The following SSH1 variants were observed in gnomAD, a reference collection of about 807,000 sequenced individuals.
SSH1 encodes protein phosphatase Slingshot homolog 1.
SSH1 carries 43 observed loss-of-function variants against 79.7 expected under a neutral mutation model. The ratio of observed to expected loss-of-function variants is 0.54; its 90% confidence interval spans 0.42 to 0.70. The LOEUF (loss-of-function observed/expected upper bound fraction) is 0.70. SSH1 is among the 30% of genes least tolerant of loss of function. SSH1 has a pLI of 0.00. For synonymous variants in SSH1, 599 were observed against 538.3 expected (o/e 1.11, Z -1.56); for missense variants, 1,206 against 1,358.8 (o/e 0.89, Z 1.77).
intron 6 of SSH1, among the ~76,000 whole-genome samples, 190 bp from the exon 7 acceptor site, chr12:108,809,948 C>T (rs1385615703): frequency 6.6e-6 from 1 of 152,110 alleles, no homozygotes; most frequent in African/African-American, 2.4e-5. Flanking sequence ...GACACATTCC[C>T]AGATGAGGAG....
At chr12:108,845,009 C>T (rs530589104) in intron 2 of SSH1, among the ~76,000 whole-genome samples, 85 of 149,358 alleles carry the variant, frequency 5.7e-4, no homozygotes, top group African/African-American at 1.9e-3. Context: ...TGAGACAGGA[C>T]AAAAATTTGC....
At chr12:108,827,295 G>GCAGT (rs1415975325) in intron 2 of SSH1, 11 of 1,551,372 alleles carry the variant, frequency 7.1e-6, no homozygotes, top group Non-Finnish European at 2.6e-6. Context: ...GACAGCAGAA[G>GCAGT]CAGTGGGTTG....
At chr12:108,811,139 T>C in intron 6 of SSH1, 121 bp downstream of exon 6, 2 of 928,880 alleles carry the variant, frequency 2.2e-6, no homozygotes, top group South Asian at 1.3e-5. Context: ...TTTCTCCCGC[T>C]GTGACACTCC....
At chr12:108,835,928 TAATC>T (rs2038601256) in intron 2 of SSH1, among the ~76,000 whole-genome samples, 1 of 146,294 alleles carries the variant, frequency 6.8e-6, no homozygotes, top group Non-Finnish European at 1.5e-5. Context: ...TATATTAATA[TAATC>T]AATTATAACT....
At chr12:108,841,763 C>T (rs536755597) in intron 2 of SSH1, among the ~76,000 whole-genome samples, 2 of 151,802 alleles carry the variant, frequency 1.3e-5, no homozygotes, top group Non-Finnish European at 2.9e-5. Context: ...GAGCCAAGAT[C>T]GTGCCACTGC....
At chr12:108,827,667 G>T (rs2038359963) in intron 2 of SSH1, 1 of 785,958 alleles carries the variant, frequency 1.3e-6, no homozygotes, top group Non-Finnish European at 1.7e-6. Flanking sequence ...AAGCACCGGG[G>T]TGTGCATTCG....
rs779518868 is a variant in SSH1 at position 108,818,245 on chromosome 12, T to G, written c.279+4A>C. On this transcript the variant is annotated splice_donor_region_variant and intron_variant, in intron 4 of 14. Coordinates refer to ENST00000326495, the MANE Select transcript of SSH1 (RefSeq NM_018984.4). ...TTTAACTTGACATTCTCACTGCTTC[T>G]TACCAGCTTGATTCTGTCTTCGCAA... The G allele has an allele frequency of 3.7e-6, 6 of 1,613,596 alleles. No homozygotes were observed. The East Asian group carries it at 1.3e-4, about 36-fold the overall frequency.
chr12:108,822,275 A>G (rs1168772005), intron 3 of SSH1, among the ~76,000 whole-genome samples: 1 of 152,094 alleles, frequency 6.6e-6, no homozygotes, highest in Non-Finnish European at 1.5e-5. Flanking sequence ...CTGGGATTAC[A>G]GGCATGCGCC....
intron 5 of SSH1, chr12:108,811,692 A>G (rs7314329): frequency 0.63 from 227,572 of 363,872 alleles, 75,628 homozygotes; most frequent in East Asian, 0.99. Flanking sequence ...GGGTGGCGGC[A>G]GGGGGAGCGT....
intron 11 of SSH1, 60 bp downstream of exon 11, chr12:108,802,262 A>G: frequency 1.3e-6 from 2 of 1,481,834 alleles, no homozygotes; most frequent in Non-Finnish European, 9.4e-7. Context: ...CCTCCATGGC[A>G]GAGTGGAGGG....
At chr12:108,803,068 G>C (rs2037093354) in intron 10 of SSH1, among the ~76,000 whole-genome samples, 5 of 152,102 alleles carry the variant, frequency 3.3e-5, no homozygotes, top group Admixed American at 2.0e-4. Context: ...AATTTTAAGA[G>C]AGGAGGATAC....
chr12:108,847,918 AAG>A (rs2038934847), intron 2 of SSH1, among the ~76,000 whole-genome samples: 1 of 152,172 alleles, frequency 6.6e-6, no homozygotes. Flanking sequence ...GCTTTCTCTG[AAG>A]AGAGGGAAAT....
rs564061958 is a variant in SSH1 at position 108,813,012 on chromosome 12, G to A, written c.402-1684C>T. ...TGAGTAGCTAGGACCACAGGCACAT[G>A]CCACTATGCCCAGCTTTTTAAAAAA... is the stretch of plus-strand genomic sequence containing the variant. On this transcript the variant is annotated intron_variant, in intron 5 of 14. Transcript: ENST00000326495. Among the ~76,000 whole-genome samples the A allele has an allele frequency of 7.9e-5, 12 of 152,140 alleles. No individual in the cohort carries two copies. The East Asian group carries it at 2.3e-3, about 29-fold the overall frequency.
intron 5 of SSH1, among the ~76,000 whole-genome samples, chr12:108,812,181 T>G (rs573113042): frequency 6.6e-6 from 1 of 152,336 alleles, no homozygotes; most frequent in African/African-American, 2.4e-5. Context: ...CACTCAGGCT[T>G]TTGGGTTGGG....
At chr12:108,845,495 C>T (rs2038879033) in intron 2 of SSH1, among the ~76,000 whole-genome samples, 11 of 152,160 alleles carry the variant, frequency 7.2e-5, no homozygotes, top group Admixed American at 7.2e-4. Context: ...CGAGACCAAC[C>T]TGCCCGACAT....
chr12:108,835,005 G>A (rs1226383582), intron 2 of SSH1, among the ~76,000 whole-genome samples: 1 of 152,118 alleles, frequency 6.6e-6, no homozygotes, highest in African/African-American at 2.4e-5. Flanking sequence ...TGCCACGTGC[G>A]AGTTAAAGCC....
intron 2 of SSH1, among the ~76,000 whole-genome samples, chr12:108,851,460 T>C (rs890796815): frequency 2.0e-5 from 3 of 152,224 alleles, no homozygotes; most frequent in Admixed American, 2.0e-4. Context: ...AGACTATTTT[T>C]TTTTAAAGAA....
chr12:108,853,453 G>A (rs1000077143), intron 1 of SSH1: 22 of 640,530 alleles, frequency 3.4e-5, no homozygotes, highest in Admixed American at 1.9e-4. Flanking sequence ...GCACAGAGGC[G>A]CCCATTGAAT....
At chr12:108,813,691 G>A (rs2037735618) in intron 5 of SSH1, among the ~76,000 whole-genome samples, 1 of 127,962 alleles carries the variant, frequency 7.8e-6, no homozygotes, top group Admixed American at 9.0e-5. Context: ...CTGGGTGACA[G>A]AGCGAGATCC....
Sources: allele counts gnomAD v4.1 joint callset (sites outside exome capture counted in the v4.1 genomes callset), GRCh38; gene constraint gnomAD v4.1.1; transcripts MANE v1.5; gene names NCBI Gene and HGNC (gene_info 2026-07-23, HGNC 2026-07-21).